DGAT1: variants seen among roughly 807,000 people sequenced by gnomAD.
DGAT1 encodes the protein ACAT related gene product 1.
DGAT1 carries 60 observed loss-of-function variants against 72.6 expected under a neutral mutation model. That is an observed-to-expected ratio of 0.83 (90% CI 0.67 to 1.02). The LOEUF (loss-of-function observed/expected upper bound fraction) is 1.02, where lower values mean the gene tolerates loss of function less well. Ranked by LOEUF, DGAT1 falls within the 50% of genes least tolerant of loss-of-function variation. The probability of loss-of-function intolerance (pLI) is 0.00; values close to 1 mark genes in which losing one functional copy is unlikely to be tolerated. For synonymous variants in DGAT1, 290 were observed against 267.5 expected (o/e 1.08, Z -0.82); for missense variants, 592 against 670.0 (o/e 0.88, Z 1.29).
At position 144,316,404 on chromosome 8, in the gene DGAT1, A is replaced by G; in HGVS notation, c.*150T>C. 1 of 984,502 alleles carries G rather than the reference A, an allele frequency of 1.0e-6. No individual in the cohort carries two copies. The highest frequency in any genetic ancestry group is 2.6e-5 in the East Asian group (1 of 37,962). 61.0% of individuals were successfully genotyped at this position (984,502 alleles called of 1,614,324 possible). On this transcript the variant is annotated 3_prime_UTR_variant, in exon 17 of 17. Transcript: ENST00000528718. ...TCGCCATCCCTGAGGGGTGCAGGAC[A>G]GAGCCCCATAGGGGCAGAGAGGCCT... is the stretch of plus-strand genomic sequence containing the variant.
At position 144,318,097 on chromosome 8, in the gene DGAT1, C is replaced by T. The variant is rs782187957; in HGVS notation, c.749G>A (p.Arg250His). The T allele has an allele frequency of 1.2e-5, 18 of 1,532,012 alleles. No homozygotes were observed. Among genetic ancestry groups the T allele is most frequent in the African/African-American group, 4.1e-5 (3 of 72,398 alleles). 94.9% of individuals were successfully genotyped at this position (1,532,012 alleles called of 1,614,324 possible). A position where few individuals can be genotyped will look rare whatever the true frequency, so the allele number is the denominator to read the frequency against. The change falls in exon 8 of 17, where the codon CGC becomes CAC. Residue 250 changes from arginine (R) to histidine (H), a missense_variant and splice_region_variant. By Grantham distance (29) the Arg-to-His change is conservative (BLOSUM62 0). Coordinates refer to ENST00000528718, the MANE Select transcript of DGAT1 (RefSeq NM_012079.6). ...TVSYPDNLTYRDLYYFLFAPT... is the reference protein window; with the variant it reads ...TVSYPDNLTYHDLYYFLFAPT... ...CTCAGGCCCACAGAGGTCCTCACCG[C>T]GGTAGGTCAGATTGTCCGGGTAGCT... is the stretch of plus-strand genomic sequence containing the variant.
chr8:144,319,183 C>G, intron 2 of DGAT1, 115 bp from the exon 3 acceptor site: 4 of 1,239,852 alleles, frequency 3.2e-6, no homozygotes, highest in Non-Finnish European at 4.6e-6. Flanking sequence ...GCGGCAGCCT[C>G]AGGCTTGCAG....
In DGAT1 at chr8:144,316,685, G is replaced by A. The variant is rs782199338; in HGVS notation, c.1336C>T (p.Arg446Cys). Residue 446 changes from arginine to cysteine, a missense_variant, in exon 17 of 17, where the codon CGC becomes TGC. Transcript: ENST00000528718. ...TTGCCATAGTTGCCCTGGAAAAAGC[G>A]GCCCACGAACCAGGCCAGTGGGATC... ...AQIPLAWFVG[R>C]FFQGNYGNAA... 34 of 1,612,088 alleles carry A rather than the reference G, an allele frequency of 2.1e-5. No homozygotes were observed. Among genetic ancestry groups the A allele is most frequent in the Middle Eastern group, 1.7e-4 (1 of 6,058 alleles).
In DGAT1 at chr8:144,315,790, G is replaced by T; in HGVS notation, c.*764C>A. ...GCCACCAGCCCACCTGGCTGCCCAG[G>T]TTCCAAGTGAAGGAAAGAGGCTGCC... is the stretch of plus-strand genomic sequence containing the variant. On this transcript the variant is annotated 3_prime_UTR_variant, in exon 17 of 17. Coordinates refer to ENST00000528718, the MANE Select transcript of DGAT1 (RefSeq NM_012079.6). The T allele has an allele frequency of 2.1e-6, 2 of 966,816 alleles. No individual in the cohort carries two copies. Among genetic ancestry groups the T allele is most frequent in the Non-Finnish European group, 1.2e-6 (1 of 812,986 alleles). The allele number at this position is 966,816 out of a possible 1,614,324, so 59.9% of individuals were successfully genotyped here. A position where few individuals can be genotyped will look rare whatever the true frequency, so the allele number is the denominator to read the frequency against.
chr8:144,316,513 GGT>G lies in DGAT1; in HGVS notation c.*39_*40del, dbSNP rs1554846997. 1.3e-6 allele frequency: 2 copies of G among 1,544,512 alleles called. No individual in the cohort carries two copies. Among genetic ancestry groups the G allele is most frequent in the Non-Finnish European group, 1.7e-6 (2 of 1,143,026 alleles). ...GGAGGAGAGGTGGGCTCTGGCAGCG[GGT>G]GTGAGGTGGCAGTGAGAAGCCAGGC... On this transcript the variant is annotated 3_prime_UTR_variant, in exon 17 of 17. Transcript: ENST00000528718.
At position 144,326,850 on chromosome 8, in the gene DGAT1, A is replaced by T. The variant is rs1392925754; in HGVS notation, c.-214T>A. 7.9e-6 allele frequency: 2 copies of T among 251,722 alleles called. No individual in the cohort carries two copies. Among genetic ancestry groups the T allele is most frequent in the Non-Finnish European group, 1.4e-5 (2 of 141,588 alleles). 15.6% of individuals were successfully genotyped at this position (251,722 alleles called of 1,614,324 possible). A position where few individuals can be genotyped will look rare whatever the true frequency, so the allele number is the denominator to read the frequency against. On this transcript the variant is annotated 5_prime_UTR_variant, in exon 1 of 17. Transcript: ENST00000528718. ...CGGCTGCGTTGCTCCGGAGCCGCTA[A>T]CTAATGGACGGCCGCCTCTCTCGTC...
rs140478833 is a variant in DGAT1 at position 144,318,152 on chromosome 8, C to T, written c.694G>A (p.Ala232Thr). The T allele has an allele frequency of 4.2e-5, 66 of 1,584,442 alleles. No homozygotes were observed. In the African/African-American group the frequency reaches 8.4e-4, roughly 20 times the overall value. ...RAKAASAGKK[A>T]SSAAAPHTVS... ...GTGTGCGGGGCAGCAGCACTGCTGGCCTTCTTCCCTGCAGAGGCTACGAGC... is the reference window on the plus strand; with the variant it reads ...GTGTGCGGGGCAGCAGCACTGCTGGTCTTCTTCCCTGCAGAGGCTACGAGC... Residue 232 changes from alanine to threonine, a missense_variant, in exon 8 of 17, where the codon GCC becomes ACC. Physicochemically the swap from Ala to Thr is moderately conservative, Grantham distance 58. Transcript: ENST00000528718.
In DGAT1 at chr8:144,316,845, T is replaced by A; in HGVS notation, c.1311+8A>T. On this transcript the variant is annotated splice_region_variant and intron_variant, in intron 16 of 16. Transcript: ENST00000528718. ...GGCGAGTGAGGAGGCCACGTGGGGG[T>A]CACTCACCTGAGCCATCATGCCCGT... 1 of 1,607,798 alleles carries A rather than the reference T, an allele frequency of 6.2e-7. No homozygotes were observed. The highest frequency in any genetic ancestry group is 8.5e-7 in the Non-Finnish European group (1 of 1,177,946).
intron 2 of DGAT1, among the ~76,000 whole-genome samples, chr8:144,320,459 G>A (rs573831294): frequency 3.9e-5 from 6 of 152,324 alleles, no homozygotes; most frequent in African/African-American, 1.4e-4. Flanking sequence ...GGTGGGGGAT[G>A]TGGATGTGCG....
Position 144,326,465 on chromosome 8 carries a change from C to T in DGAT1, c.172G>A (p.Gly58Ser), listed in dbSNP as rs754699005. The change falls in exon 1 of 17, where the codon GGC becomes AGC. Residue 58 changes from glycine to serine, a missense_variant. Gly to Ser is a moderately conservative substitution (Grantham distance 56). Coordinates refer to ENST00000528718, the MANE Select transcript of DGAT1 (RefSeq NM_012079.6). ...APAPNKDGDA[G>S]VGSGHWELRC... ...AGCTCCCAGTGGCCGCTGCCCACGC[C>T]GGCGTCTCCGTCCTTGTTGGGGGCC... The T allele has an allele frequency of 1.3e-5, 17 of 1,346,230 alleles. No individual in the cohort carries two copies. Among genetic ancestry groups the T allele is most frequent in the Non-Finnish European group, 1.6e-5 (17 of 1,039,582 alleles). 83.4% of individuals were successfully genotyped at this position (1,346,230 alleles called of 1,614,324 possible). A position where few individuals can be genotyped will look rare whatever the true frequency, so the allele number is the denominator to read the frequency against.
At position 144,315,365 on chromosome 8, in the gene DGAT1, G is replaced by A. The variant is rs189616608; in HGVS notation, c.*1189C>T. 2.0e-6 allele frequency: 2 copies of A among 985,332 alleles called. No individual in the cohort carries two copies. The highest frequency in any genetic ancestry group is 2.4e-6 in the Non-Finnish European group (2 of 829,954). 61.0% of individuals were successfully genotyped at this position (985,332 alleles called of 1,614,324 possible). Reference sequence around the variant, plus strand: ...GGGTAGAGGGAGGATACCACCAAGGGAGCCCACCCTCCCCTCACACCACCA... The same window carrying A: ...GGGTAGAGGGAGGATACCACCAAGGAAGCCCACCCTCCCCTCACACCACCA... On this transcript the variant is annotated 3_prime_UTR_variant, in exon 17 of 17. Transcript: ENST00000528718.
Position 144,317,063 on chromosome 8 carries a change from C to T in DGAT1, c.1207G>A (p.Ala403Thr). The T allele has an allele frequency of 6.2e-7, 1 of 1,612,832 alleles. No homozygotes were observed. Among genetic ancestry groups the T allele is most frequent in the Non-Finnish European group, 8.5e-7 (1 of 1,179,946 alleles). ...MLRRGSSKWM[A>T]RTGVFLASAF... Reference sequence around the variant, plus strand: ...GAGGCCAGGAACACCCCTGTCCTGGCCATCCACTTGCTGCTGCCCCGTCGA... The same window carrying T: ...GAGGCCAGGAACACCCCTGTCCTGGTCATCCACTTGCTGCTGCCCCGTCGA... The change falls in exon 15 of 17, where the codon GCC (alanine) becomes ACC (threonine). Residue 403 changes from alanine (A) to threonine (T), a missense_variant. Ala to Thr is a moderately conservative substitution (Grantham distance 58, BLOSUM62 0). Coordinates refer to ENST00000528718, the MANE Select transcript of DGAT1 (RefSeq NM_012079.6).
In DGAT1 at chr8:144,319,028, TTGA is replaced by T; in HGVS notation, c.326_328del (p.Ile109del). On this transcript the variant is annotated inframe_deletion and splice_region_variant, in exon 3 of 17. Transcript: ENST00000528718. ...GGTGGGACCTGGCAAAGGCACTCAC[TTGA>T]TGAGGTTCTCCAGAAATAACCGGGC... The T allele has an allele frequency of 1.3e-6, 2 of 1,558,652 alleles. No individual in the cohort carries two copies. The highest frequency in any genetic ancestry group is 1.7e-6 in the Non-Finnish European group (2 of 1,151,238).
chr8:144,319,198 A>G, intron 2 of DGAT1, 130 bp from the exon 3 acceptor site: 1 of 1,042,652 alleles, frequency 9.6e-7, no homozygotes, highest in Non-Finnish European at 1.4e-6. Flanking sequence ...TTGCAGACCC[A>G]GCCCTGTCTG....
At chr8:144,326,327 C>T in intron 1 of DGAT1, 110 bp downstream of exon 1, 1 of 1,059,576 alleles carries the variant, frequency 9.4e-7, no homozygotes, top group Non-Finnish European at 1.2e-6. Context: ...CACACCGATC[C>T]CCGCTTAGCC....
rs782678457 is a variant in DGAT1, at chr8:144,317,055, T to C, written c.1215A>G (p.Thr405=). ...AGAAGGCCGAGGCCAGGAACACCCC[T>C]GTCCTGGCCATCCACTTGCTGCTGC... ...RRGSSKWMAR[T]GVFLASAFFH... The change falls in exon 15 of 17, where the codon ACA becomes ACG. Residue 405 remains threonine (T), a synonymous_variant. Transcript: ENST00000528718. 5.6e-6 allele frequency: 9 copies of C among 1,612,684 alleles called. No individual in the cohort carries two copies. The highest frequency in any genetic ancestry group is 4.4e-5 in the South Asian group (4 of 91,086).
chr8:144,320,325 G>A (rs950372986), intron 2 of DGAT1, among the ~76,000 whole-genome samples: 1 of 152,358 alleles, frequency 6.6e-6, no homozygotes, highest in South Asian at 2.1e-4. Flanking sequence ...GGAATGGGCT[G>A]CGTCTCCTGA....
intron 1 of DGAT1, among the ~76,000 whole-genome samples, chr8:144,323,063 C>A (rs938019959): frequency 6.6e-6 from 1 of 152,194 alleles, no homozygotes; most frequent in Non-Finnish European, 1.5e-5. Context: ...CTCTCCACTG[C>A]CCCCTCTTCC....
In DGAT1 at chr8:144,316,672, C is replaced by A. The variant is rs781828606; in HGVS notation, c.1349G>T (p.Gly450Val). ...CCACACAGCTGCGTTGCCATAGTTGCCCTGGAAAAAGCGGCCCACGAACCA... is the reference window on the plus strand; with the variant it reads ...CCACACAGCTGCGTTGCCATAGTTGACCTGGAAAAAGCGGCCCACGAACCA... Reference protein sequence around the residue: ...LAWFVGRFFQGNYGNAAVWLS... With the variant: ...LAWFVGRFFQVNYGNAAVWLS... Residue 450 changes from glycine to valine, a missense_variant, in exon 17 of 17, where the codon GGC (glycine) becomes GTC (valine). By Grantham distance (109) the Gly-to-Val change is moderately radical (BLOSUM62 -3). Coordinates refer to ENST00000528718, the MANE Select transcript of DGAT1 (RefSeq NM_012079.6). The A allele has an allele frequency of 6.2e-7, 1 of 1,612,060 alleles. No homozygotes were observed. Among genetic ancestry groups the A allele is most frequent in the Non-Finnish European group, 8.5e-7 (1 of 1,179,584 alleles).
Sources: allele counts gnomAD v4.1 joint callset (sites outside exome capture counted in the v4.1 genomes callset), GRCh38; gene constraint gnomAD v4.1.1; transcripts MANE v1.5; gene names NCBI Gene and HGNC (gene_info 2026-07-23, HGNC 2026-07-21).